Variants in SLC2A14 observed in about 807,000 individuals in gnomAD.
The protein encoded by SLC2A14 is solute carrier family 2, facilitated glucose transporter member 14.
A neutral mutation model predicts 43.0 loss-of-function variants in SLC2A14; 13 were observed. That is an observed-to-expected ratio of 0.30 (90% CI 0.20 to 0.48). The LOEUF is 0.48. Ranked by LOEUF, SLC2A14 falls within the 20% of genes least tolerant of loss-of-function variation. The pLI is 0.99. For synonymous variants in SLC2A14, 190 were observed against 233.8 expected (o/e 0.81, Z 1.71); for missense variants, 428 against 620.4 (o/e 0.69, Z 3.29).
chr12:7,864,425 G>T (rs938052206), intron 2 of SLC2A14, among the ~76,000 whole-genome samples: 1 of 152,002 alleles, frequency 6.6e-6, no homozygotes, highest in Admixed American at 6.6e-5. Context: ...TGCAACCTCC[G>T]CCTCCCGGAT....
At chr12:7,842,386 T>A (rs1190796998) in intron 2 of SLC2A14, among the ~76,000 whole-genome samples, 1 of 152,202 alleles carries the variant, frequency 6.6e-6, no homozygotes, top group Non-Finnish European at 1.5e-5. Flanking sequence ...TTTATGTAAG[T>A]ACCAAGGAGG....
At position 7,819,499 on chromosome 12, in the gene SLC2A14, C is replaced by G; in HGVS notation, c.1054G>C (p.Val352Leu). Residue 352 changes from valine to leucine, a missense_variant, in exon 9 of 11, where the codon GTT (valine) becomes CTT (leucine). This residue lies in a region of SLC2A14 where 119 missense variants were observed against 188.7 expected (regional missense o/e 0.63). Coordinates refer to ENST00000431042, the MANE Select transcript of SLC2A14 (RefSeq NM_001286234.2). ...GMAFCSTLMT[V>L]SLLLKNHYNG... ...GCACTTACCTTTAATAACAAAGAAACAGTCATGAGCGTGGAACAAAAAGCC... is the reference window on the plus strand; with the variant it reads ...GCACTTACCTTTAATAACAAAGAAAGAGTCATGAGCGTGGAACAAAAAGCC... The G allele has an allele frequency of 6.2e-7, 1 of 1,612,240 alleles. No homozygotes were observed.
At chr12:7,843,360 T>G in intron 2 of SLC2A14, among the ~76,000 whole-genome samples, 1 of 140,594 alleles carries the variant, frequency 7.1e-6, no homozygotes, top group Non-Finnish European at 1.5e-5. Context: ...TCAAAAAGAG[T>G]GGATGAAAGC....
rs530612532 is a variant in SLC2A14 at position 7,864,424 on chromosome 12, C to T, written c.18+5439G>A. On this transcript the variant is annotated intron_variant, in intron 2 of 10. Transcript: ENST00000431042. ...TGCAATCTCAGCTCACTGCAACCTCCGCCTCCCGGATTGAAGCCATTCTCC... is the reference window on the plus strand; with the variant it reads ...TGCAATCTCAGCTCACTGCAACCTCTGCCTCCCGGATTGAAGCCATTCTCC... 1.1e-4 allele frequency among the ~76,000 whole-genome samples: 17 copies of T among 152,194 alleles called. 1 individual carries two copies. In the East Asian group the frequency reaches 2.9e-3, roughly 26 times the overall value.
intron 7 of SLC2A14, among the ~76,000 whole-genome samples, chr12:7,825,430 A>C (rs1010546194): frequency 3.5e-4 from 49 of 138,286 alleles, no homozygotes; most frequent in African/African-American, 1.2e-3. Context: ...ACTGCACTCT[A>C]GCCTGGGCGA....
chr12:7,877,005 C>CTTTTTT (rs57906469), upstream of SLC2A14, among the ~76,000 whole-genome samples: 1 of 132,932 alleles, frequency 7.5e-6, no homozygotes, highest in Admixed American at 7.7e-5. Context: ...AATTTTTTTT[C>CTTTTTT]TTTTTTTTTT....
chr12:7,878,559 A>G (rs1372087293), intron 1 of SLC2A14, among the ~76,000 whole-genome samples: 2 of 151,824 alleles, frequency 1.3e-5, no homozygotes, highest in Non-Finnish European at 2.9e-5. Flanking sequence ...CTGCCCAGCC[A>G]GTTTTAAAGA....
upstream of SLC2A14, among the ~76,000 whole-genome samples, chr12:7,874,841 G>A (rs185695918): frequency 0.57 from 38,535 of 68,086 alleles, 8,027 homozygotes; most frequent in Middle Eastern, 0.69. Context: ...ATATAAATAC[G>A]TATTTATATA....
chr12:7,818,083 C>T (rs770605257), intron 9 of SLC2A14, 49 bp from the exon 10 acceptor site: 2 of 1,557,836 alleles, frequency 1.3e-6, no homozygotes, highest in African/African-American at 2.7e-5. Flanking sequence ...CAGTGTAACC[C>T]AGGATCTAGG....
At chr12:7,863,047 T>C (rs749035677) in intron 2 of SLC2A14, among the ~76,000 whole-genome samples, 2 of 152,170 alleles carry the variant, frequency 1.3e-5, no homozygotes, top group Non-Finnish European at 2.9e-5. Context: ...TTTCAAACTG[T>C]TGAAGCTTTG....
intron 7 of SLC2A14, among the ~76,000 whole-genome samples, chr12:7,824,728 CA>C (rs59362614): frequency 0.018 from 1,993 of 113,248 alleles, 42 homozygotes; most frequent in African/African-American, 0.065. Context: ...GACTCTGTCT[CA>C]AAAAAAAAAA....
chr12:7,883,632 G>A (rs1178234776), intron 1 of SLC2A14, among the ~76,000 whole-genome samples: 1 of 100,610 alleles, frequency 9.9e-6, no homozygotes, highest in Non-Finnish European at 1.8e-5. Context: ...GTCTCTCTCT[G>A]TCACCAGGCT....
chr12:7,858,125 T>C (rs1243063020), intron 2 of SLC2A14, among the ~76,000 whole-genome samples: 8 of 151,992 alleles, frequency 5.3e-5, no homozygotes. Flanking sequence ...ACAGCAAAAC[T>C]CTTATCTGAA....
chr12:7,858,441 T>G (rs758102282), intron 2 of SLC2A14, among the ~76,000 whole-genome samples: 2 of 152,294 alleles, frequency 1.3e-5, no homozygotes, highest in Admixed American at 6.5e-5. Flanking sequence ...TGTCTCCCAT[T>G]CTGTGGGTTG....
intron 2 of SLC2A14, among the ~76,000 whole-genome samples, chr12:7,850,987 C>G (rs968480058): frequency 1.3e-5 from 2 of 152,130 alleles, no homozygotes; most frequent in Non-Finnish European, 2.9e-5. Context: ...TTTCCTCGAC[C>G]TCAACCCTGA....
At chr12:7,883,417 C>T (rs930099705) in intron 1 of SLC2A14, among the ~76,000 whole-genome samples, 5 of 150,632 alleles carry the variant, frequency 3.3e-5, no homozygotes, top group Admixed American at 3.3e-4. Flanking sequence ...CAGGCGCCCG[C>T]CACCATGCAT....
intron 9 of SLC2A14, among the ~76,000 whole-genome samples, 189 bp from the exon 10 acceptor site, chr12:7,818,223 G>C (rs1166077493): frequency 3.4e-5 from 5 of 147,224 alleles, no homozygotes; most frequent in African/African-American, 1.2e-4. Flanking sequence ...TTACTCTGTT[G>C]CCCAGGCTAG....
chr12:7,821,419 A>G, intron 7 of SLC2A14, 94 bp from the exon 8 acceptor site: 2 of 1,127,366 alleles, frequency 1.8e-6, no homozygotes, highest in Admixed American at 1.9e-5. Flanking sequence ...GTGGTTGCAC[A>G]GGCCTGTAAT....
intron 6 of SLC2A14, 61 bp downstream of exon 6, chr12:7,828,643 C>T: frequency 6.4e-7 from 1 of 1,560,348 alleles, no homozygotes; most frequent in East Asian, 2.2e-5. Flanking sequence ...ATCCAGTACC[C>T]TCACCCTTAA....
Sources: gnomAD v4.1 joint callset for allele counts (sites outside exome capture counted in the v4.1 genomes callset) on GRCh38, gnomAD v4.1.1 for gene constraint, gnomAD v4.1.1 regional missense constraint, MANE v1.5 for transcripts, NCBI Gene and HGNC (gene_info 2026-07-23, HGNC 2026-07-21) for gene names.